Variants in SLC12A1 observed in about 807,000 individuals in gnomAD.
SLC12A1 encodes the protein solute carrier family 12 member 1.
SLC12A1 carries 89 observed loss-of-function variants against 130.4 expected under a neutral mutation model. The observed-to-expected ratio is 0.68, with a 90% CI of 0.58 to 0.81. SLC12A1 has a LOEUF of 0.81. SLC12A1 is among the 40% of genes least tolerant of loss of function. The pLI, the probability that SLC12A1 is intolerant of heterozygous loss-of-function variation, is 0.00. For synonymous variants in SLC12A1, 499 were observed against 460.0 expected, an observed-to-expected ratio of 1.08 and a Z score of -1.09; for missense variants, 1,310 against 1,336.4, an observed-to-expected ratio of 0.98 and a Z score of 0.31.
intron 25 of SLC12A1, among the ~76,000 whole-genome samples, chr15:48,299,756 G>A (rs546753610): frequency 7.4e-4 from 112 of 152,334 alleles, no homozygotes; most frequent in African/African-American, 2.6e-3. Flanking sequence ...AGCACACATT[G>A]TAAGATGGAT....
chr15:48,286,298 G>A (rs2042058947), intron 21 of SLC12A1, among the ~76,000 whole-genome samples: 1 of 152,168 alleles, frequency 6.6e-6, no homozygotes, highest in Admixed American at 6.5e-5. Flanking sequence ...TCGAGCTCCT[G>A]GGATACCCCA....
intron 17 of SLC12A1, among the ~76,000 whole-genome samples, chr15:48,262,537 G>A (rs996289663): frequency 2.0e-5 from 3 of 152,038 alleles, no homozygotes; most frequent in Non-Finnish European, 4.4e-5. Flanking sequence ...AACACTCTCC[G>A]CAGGCCTCTT....
chr15:48,226,372 G>A (rs1483269685), intron 4 of SLC12A1, 104 bp from the exon 5 acceptor site: 1 of 670,442 alleles, frequency 1.5e-6, no homozygotes, highest in Non-Finnish European at 2.5e-6. Context: ...GGAGCCCGAG[G>A]CATGGACCTG....
intron 17 of SLC12A1, among the ~76,000 whole-genome samples, chr15:48,266,300 GT>G (rs2041831036): frequency 6.6e-6 from 1 of 152,136 alleles, no homozygotes; most frequent in Non-Finnish European, 1.5e-5. Context: ...ATTGCACTAG[GT>G]ACTTTATTAT....
At chr15:48,224,955 T>A (rs1029855679) in intron 4 of SLC12A1, 3 of 152,196 alleles carry the variant, frequency 2.0e-5, no homozygotes, top group African/African-American at 7.2e-5. Context: ...GGCAGCTTTT[T>A]AAATTTCATT....
At chr15:48,281,995 C>G (rs1811574186) in intron 20 of SLC12A1, among the ~76,000 whole-genome samples, 1 of 152,138 alleles carries the variant, frequency 6.6e-6, no homozygotes, top group Non-Finnish European at 1.5e-5. Flanking sequence ...TTCAGAAGAA[C>G]AGATAATCAA....
chr15:48,224,142 A>C (rs1283562370), intron 4 of SLC12A1: 1 of 152,168 alleles, frequency 6.6e-6, no homozygotes, highest in Non-Finnish European at 1.5e-5. Context: ...TGGAGCATTC[A>C]CTTTACATAG....
In SLC12A1 at chr15:48,285,114, GA is replaced by G; in HGVS notation, c.2495del (p.Glu832GlyfsTer3). ...TTGTCTTCTTTCATCAGAGGAATTA[GA>G]GAGATTAGAACAGGAGAGACTAGCA... is the stretch of plus-strand genomic sequence containing the variant. ...SQVLQVQEEL[E>X]RLEQERLALE... On this transcript the variant is annotated frameshift_variant, in exon 21 of 27. Coordinates refer to ENST00000380993, the MANE Select transcript of SLC12A1 (RefSeq NM_000338.3). LOFTEE classifies it high-confidence loss of function. 6.3e-7 allele frequency: 1 copy of G among 1,596,396 alleles called. No individual in the cohort carries two copies. Among genetic ancestry groups the G allele is most frequent in the South Asian group, 1.2e-5 (1 of 86,516 alleles).
At chr15:48,280,678 G>A (rs1230612077) in intron 20 of SLC12A1, among the ~76,000 whole-genome samples, 1 of 151,960 alleles carries the variant, frequency 6.6e-6, no homozygotes, top group Non-Finnish European at 1.5e-5. Context: ...TCTTTTCCAG[G>A]GAAAAGTCCC....
chr15:48,241,311 T>C (rs2041512753), intron 9 of SLC12A1, among the ~76,000 whole-genome samples: 1 of 152,246 alleles, frequency 6.6e-6, no homozygotes, highest in South Asian at 2.1e-4. Flanking sequence ...CTGAAAGTTT[T>C]ACAGATTTCT....
intron 24 of SLC12A1, among the ~76,000 whole-genome samples, chr15:48,296,411 G>C (rs548736106): frequency 1.4e-4 from 21 of 152,268 alleles, no homozygotes; most frequent in African/African-American, 4.8e-4. Flanking sequence ...AAACTGAAAA[G>C]CTCTTGTGCT....
intron 20 of SLC12A1, among the ~76,000 whole-genome samples, chr15:48,280,914 A>G (rs934125299): frequency 1.3e-5 from 2 of 152,114 alleles, no homozygotes; most frequent in African/African-American, 2.4e-5. Flanking sequence ...CTTCTTTTAT[A>G]AAGACAGTAC....
chr15:48,252,450 T>C (rs1170840442), intron 15 of SLC12A1, among the ~76,000 whole-genome samples: 1 of 152,226 alleles, frequency 6.6e-6, no homozygotes, highest in African/African-American at 2.4e-5. Flanking sequence ...CTGTTTCTGA[T>C]GTCCTGATAA....
chr15:48,208,875 A>G (rs947866180), intron 2 of SLC12A1, among the ~76,000 whole-genome samples: 1 of 152,194 alleles, frequency 6.6e-6, no homozygotes, highest in African/African-American at 2.4e-5. Context: ...CTTTAAAGAA[A>G]GGGCAGAGAT....
At chr15:48,283,743 G>C (rs1406099060) in intron 20 of SLC12A1, among the ~76,000 whole-genome samples, 1 of 152,216 alleles carries the variant, frequency 6.6e-6, no homozygotes, top group Non-Finnish European at 1.5e-5. Flanking sequence ...AGCTCTCCCA[G>C]TGTTTTGTAA....
intron 2 of SLC12A1, among the ~76,000 whole-genome samples, chr15:48,209,754 T>C (rs944247608): frequency 6.6e-6 from 1 of 152,172 alleles, no homozygotes; most frequent in Non-Finnish European, 1.5e-5. Context: ...GTATTTGCCT[T>C]GGCTGCTAGG....
intron 2 of SLC12A1, among the ~76,000 whole-genome samples, chr15:48,212,121 C>A (rs563007123): frequency 2.0e-5 from 3 of 152,124 alleles, no homozygotes; most frequent in African/African-American, 7.2e-5. Context: ...AGTAAGAATT[C>A]AATAAATGAT....
chr15:48,280,729 G>A lies in SLC12A1; in HGVS notation c.2486-4377G>A, dbSNP rs140723526. The stretch of plus-strand genomic sequence containing the variant: ...TGCCTCTCATGCTTCCATTTCCCAG[G>A]CTCTTATCTCACTGGTCCCACCTTC... On this transcript the variant is annotated intron_variant, in intron 20 of 26. Transcript: ENST00000380993. Among the ~76,000 whole-genome samples the A allele has an allele frequency of 4.8e-3, 731 of 151,914 alleles. 8 individuals are homozygous for A. The highest frequency in any genetic ancestry group is 0.044 in the Middle Eastern group (13 of 294).
Position 48,230,397 on chromosome 15 carries a change from G to A in SLC12A1, c.869G>A (p.Ser290Asn), listed in dbSNP as rs1440910213. The A allele has an allele frequency of 1.2e-6, 2 of 1,605,284 alleles. No individual in the cohort carries two copies. Among genetic ancestry groups the A allele is most frequent in the African/African-American group, 1.3e-5 (1 of 74,750 alleles). The stretch of plus-strand genomic sequence containing the variant: ...CTTAATAATTTGTTTCCCCAGGAGA[G>A]TGATTCGATGATGGTGGATCCAACC... Reference protein sequence around the residue: ...AETVVDLLKESDSMMVDPTND... With the variant: ...AETVVDLLKENDSMMVDPTND... The change falls in exon 7 of 27, where the codon AGT becomes AAT. Residue 290 changes from serine (S) to asparagine (N), a missense_variant. Coordinates refer to ENST00000380993, the MANE Select transcript of SLC12A1 (RefSeq NM_000338.3).
Sources: allele counts gnomAD v4.1 joint callset (sites outside exome capture counted in the v4.1 genomes callset), GRCh38; gene constraint gnomAD v4.1.1; transcripts MANE v1.5; gene names NCBI Gene and HGNC (gene_info 2026-07-23, HGNC 2026-07-21).